Variants in ENAH observed in about 807,000 individuals in gnomAD.
ENAH encodes ENAH actin regulator.
Under a neutral mutation model 78.7 loss-of-function variants are expected in ENAH, and 23 were observed. That is an observed-to-expected ratio of 0.29 (90% confidence interval 0.21 to 0.41). The LOEUF is 0.41. Ranked by LOEUF, ENAH falls within the 10% of genes least tolerant of loss-of-function variation. The pLI is 1.00. For synonymous variants in ENAH, 226 were observed against 241.0 expected (o/e 0.94, Z 0.58); for missense variants, 544 against 691.0 (o/e 0.79, Z 2.39).
chr1:225,511,848 C>T lies in ENAH; in HGVS notation c.1434G>A (p.Glu478=), dbSNP rs1456922738. The T allele has an allele frequency of 1.2e-6, 2 of 1,603,078 alleles. No homozygotes were observed. The highest frequency in any genetic ancestry group is 2.2e-5 in the East Asian group (1 of 44,788). The change falls in exon 10 of 14, where the codon GAG becomes GAA. Residue 478 remains glutamate (E), a synonymous_variant. Transcript: ENST00000366843. ...EQKEDKGEDS[E]PVTSKASSTS... Reference sequence around the variant, plus strand: ...TTGAAGAGGCCTTAGAAGTTACAGGCTCTGAATCTTCCTAAATATACAGAT... The same window carrying T: ...TTGAAGAGGCCTTAGAAGTTACAGGTTCTGAATCTTCCTAAATATACAGAT...
rs7526746 is a variant in ENAH, at chr1:225,622,059, T to C, written c.5+30627A>G. 8.5e-4 allele frequency among the ~76,000 whole-genome samples: 129 copies of C among 152,318 alleles called. 1 individual carries two copies. The highest frequency in any genetic ancestry group is 2.7e-3 in the African/African-American group (112 of 41,566). ...TAAAGAACATGTTTTTAACATGCCA[T>C]TGCTCAACTCTTTAAAAAGTCATAC... On this transcript the variant is annotated intron_variant, in intron 1 of 13. Coordinates refer to ENST00000366843, the MANE Select transcript of ENAH (RefSeq NM_018212.6).
rs189555954 is a variant in ENAH, at chr1:225,597,048, C to T, written c.6-29634G>A. Among the ~76,000 whole-genome samples the T allele has an allele frequency of 1.3e-3, 203 of 152,208 alleles. 1 individual carries two copies. Among genetic ancestry groups the T allele is most frequent in the African/African-American group, 4.8e-3 (201 of 41,520 alleles). ...TTCCCACCTCTCCCCTTCTTTTGCC[C>T]ATACTTTTTAAAAAGACAATAAAAG... On this transcript the variant is annotated intron_variant, in intron 1 of 13. Coordinates refer to ENST00000366843, the MANE Select transcript of ENAH (RefSeq NM_018212.6).
At chr1:225,586,302 G>A (rs915763527) in intron 1 of ENAH, among the ~76,000 whole-genome samples, 2 of 149,344 alleles carry the variant, frequency 1.3e-5, no homozygotes, top group African/African-American at 2.5e-5. Flanking sequence ...GAGGGGAGAG[G>A]AGGGGGAAGG....
chr1:225,501,157 AC>A, intron 11 of ENAH, 87 bp from the exon 12 acceptor site: 1 of 957,320 alleles, frequency 1.0e-6, no homozygotes, highest in Non-Finnish European at 1.6e-6. Flanking sequence ...CCAACCCAAC[AC>A]CAGATTTAAA....
chr1:225,508,682 A>G (rs955023671), intron 10 of ENAH: 6 of 152,296 alleles, frequency 3.9e-5, no homozygotes, highest in Middle Eastern at 6.8e-3. Context: ...TTGGCTGTCT[A>G]TTGTGCTTGA....
chr1:225,622,634 C>G (rs1657201116), intron 1 of ENAH, among the ~76,000 whole-genome samples: 1 of 152,068 alleles, frequency 6.6e-6, no homozygotes, highest in African/African-American at 2.4e-5. Flanking sequence ...ATGGATGGCA[C>G]CTTCTATTTG....
Position 225,530,555 on chromosome 1 carries a change from T to C in ENAH, c.433A>G (p.Arg145Gly). 6.2e-7 allele frequency: 1 copy of C among 1,610,226 alleles called. No homozygotes were observed. Among genetic ancestry groups the C allele is most frequent in the Non-Finnish European group, 8.5e-7 (1 of 1,176,656 alleles). Residue 145 changes from arginine (R) to glycine (G), a missense_variant and splice_region_variant, in exon 4 of 14, where the codon AGA becomes GGA. Arg to Gly is a moderately radical substitution (Grantham distance 125, BLOSUM62 -2). This residue lies in a region of ENAH where 366 missense variants were observed against 396.1 expected (regional missense o/e 0.92). Coordinates refer to ENST00000366843, the MANE Select transcript of ENAH (RefSeq NM_018212.6). The stretch of plus-strand genomic sequence containing the variant: ...ACAAACAATAACTTGAAAATTTACC[T>C]TCTTTGAATTTCCAATTCTTCTTGG... ...PSQEELEIQR[R>G]QLQEQQRQKE...
At chr1:225,512,119 G>C (rs1489387945) in intron 9 of ENAH, among the ~76,000 whole-genome samples, 1 of 152,154 alleles carries the variant, frequency 6.6e-6, no homozygotes, top group Non-Finnish European at 1.5e-5. Flanking sequence ...CCAGACACGA[G>C]AGACAGATTT....
intron 1 of ENAH, among the ~76,000 whole-genome samples, chr1:225,637,357 G>A (rs955237501): frequency 2.6e-5 from 4 of 152,106 alleles, no homozygotes; most frequent in East Asian, 1.9e-4. Flanking sequence ...ATAGGCATGC[G>A]CCATCACGCC....
chr1:225,642,800 T>C (rs1004252261), intron 1 of ENAH, among the ~76,000 whole-genome samples: 1 of 152,110 alleles, frequency 6.6e-6, no homozygotes, highest in African/African-American at 2.4e-5. Flanking sequence ...AAAAAGCACA[T>C]GAACAGACAT....
Position 225,633,932 on chromosome 1 carries a change from A to G in ENAH, c.5+18754T>C, listed in dbSNP as rs185707323. Reference sequence around the variant, plus strand: ...GCCTCTGGATCAGTAAGGACATTTAATATCAGGTCTTTGGAACTCAAAAGC... The same window carrying G: ...GCCTCTGGATCAGTAAGGACATTTAGTATCAGGTCTTTGGAACTCAAAAGC... On this transcript the variant is annotated intron_variant, in intron 1 of 13. Transcript: ENST00000366843. Among the ~76,000 whole-genome samples the G allele has an allele frequency of 1.2e-3, 181 of 152,326 alleles. 1 individual carries two copies. Among genetic ancestry groups the G allele is most frequent in the South Asian group, 3.5e-3 (17 of 4,832 alleles).
chr1:225,582,479 C>G (rs2096823957), intron 1 of ENAH, among the ~76,000 whole-genome samples: 3 of 152,170 alleles, frequency 2.0e-5, no homozygotes, highest in Non-Finnish European at 1.5e-5. Context: ...ACAACTGGTC[C>G]TGGTCTGTGC....
intron 1 of ENAH, among the ~76,000 whole-genome samples, chr1:225,643,467 G>C (rs922556765): frequency 2.0e-5 from 3 of 151,554 alleles, no homozygotes; most frequent in Non-Finnish European, 2.9e-5. Context: ...AACAGTATCA[G>C]ATATGTACAC....
intron 4 of ENAH, among the ~76,000 whole-genome samples, chr1:225,522,125 T>C (rs1411554179): frequency 6.6e-6 from 1 of 152,226 alleles, no homozygotes; most frequent in East Asian, 1.9e-4. Flanking sequence ...AAATTTCAAA[T>C]TGGGACTTTC....
In ENAH at chr1:225,649,397, T is replaced by TA. The variant is rs563257956; in HGVS notation, c.5+3288dup. ...AGATCAGACAAGCTCCTCTTTCAGT[T>TA]AAAAAAAAAAAAAAATCTTAAGTAA... On this transcript the variant is annotated intron_variant, in intron 1 of 13. Transcript: ENST00000366843. 2.5e-3 allele frequency among the ~76,000 whole-genome samples: 353 copies of TA among 142,616 alleles called. 4 individuals are homozygous for TA. Among genetic ancestry groups the TA allele is most frequent in the East Asian group, 0.022 (107 of 4,950 alleles). The allele number at this position is 142,616 out of a possible 152,430, so 93.6% of individuals were successfully genotyped here. A position where few individuals can be genotyped will look rare whatever the true frequency, so the allele number is the denominator to read the frequency against.
At chr1:225,557,812 C>G (rs141982792) in intron 2 of ENAH, among the ~76,000 whole-genome samples, 310 of 152,272 alleles carry the variant, frequency 2.0e-3, no homozygotes, top group African/African-American at 7.1e-3. Context: ...CAGAGTGACA[C>G]TCTGTCTCAA....
In ENAH at chr1:225,567,416, T is replaced by C; in HGVS notation, c.6-2A>G. 1 of 1,597,174 alleles carries C rather than the reference T, an allele frequency of 6.3e-7. No individual in the cohort carries two copies. The highest frequency in any genetic ancestry group is 8.5e-7 in the Non-Finnish European group (1 of 1,172,322). Reference sequence around the variant, plus strand: ...CTTGCCTGACAGATACTCTGTTCACTGTAAAAAATAAAATAAAATATTCAA... The same window carrying C: ...CTTGCCTGACAGATACTCTGTTCACCGTAAAAAATAAAATAAAATATTCAA... On this transcript the variant is annotated splice_acceptor_variant, in intron 1 of 13. Coordinates refer to ENST00000366843, the MANE Select transcript of ENAH (RefSeq NM_018212.6). LOFTEE classifies it high-confidence loss of function.
At chr1:225,616,781 T>C (rs1655789092) in intron 1 of ENAH, among the ~76,000 whole-genome samples, 1 of 152,100 alleles carries the variant, frequency 6.6e-6, no homozygotes, top group African/African-American at 2.4e-5. Context: ...CTACTAGTGA[T>C]TGGAAAACTA....
chr1:225,596,708 T>C (rs1340619986), intron 1 of ENAH, among the ~76,000 whole-genome samples: 1 of 152,220 alleles, frequency 6.6e-6, no homozygotes, highest in Non-Finnish European at 1.5e-5. Flanking sequence ...TGAAGTTTTA[T>C]TTATTCTAGA....
Sources: gnomAD v4.1 joint callset for allele counts (sites outside exome capture counted in the v4.1 genomes callset) on GRCh38, gnomAD v4.1.1 for gene constraint, gnomAD v4.1.1 regional missense constraint, MANE v1.5 for transcripts, NCBI Gene and HGNC (gene_info 2026-07-23, HGNC 2026-07-21) for gene names.